Variants in C12orf54 observed in about 807,000 individuals in gnomAD.
The protein encoded by C12orf54 is chromosome 12 open reading frame 54, also known as uncharacterized protein C12orf54.
C12orf54 carries 24 observed loss-of-function variants against 26.4 expected under a neutral mutation model. The observed-to-expected ratio is 0.91, with a 90% CI of 0.66 to 1.28. C12orf54 has a LOEUF of 1.28. C12orf54 is among the 50% of genes most tolerant of loss of function. C12orf54 has a pLI of 0.00. For synonymous variants in C12orf54, 54 were observed against 47.0 expected, an observed-to-expected ratio of 1.15 and a Z score of -0.61; for missense variants, 154 against 150.9, an observed-to-expected ratio of 1.02 and a Z score of -0.11.
the C12orf54 span, among the ~76,000 whole-genome samples, chr12:48,444,086 T>C: frequency 6.6e-6 from 1 of 152,248 alleles, no homozygotes; most frequent in Admixed American, 6.5e-5. Context: ...AGTTGGGAGT[T>C]TGAAAATTCC....
At chr12:48,465,431 G>A in the C12orf54 span, among the ~76,000 whole-genome samples, 1 of 152,150 alleles carries the variant, frequency 6.6e-6, no homozygotes, top group East Asian at 1.9e-4. Flanking sequence ...TGGCAAGGTT[G>A]TGGAGAAAAA....
At chr12:48,421,144 T>C in the C12orf54 span, among the ~76,000 whole-genome samples, 1 of 152,164 alleles carries the variant, frequency 6.6e-6, no homozygotes, top group African/African-American at 2.4e-5. Flanking sequence ...TGAGCTTGGG[T>C]AATTTATATT....
the C12orf54 span, among the ~76,000 whole-genome samples, chr12:48,454,346 A>G: frequency 1.3e-5 from 2 of 151,966 alleles, no homozygotes; most frequent in African/African-American, 4.8e-5. Context: ...TGATCTGCCC[A>G]CCTCGGCCTC....
chr12:48,464,521 A>G, the C12orf54 span, among the ~76,000 whole-genome samples: 1 of 152,192 alleles, frequency 6.6e-6, no homozygotes, highest in Admixed American at 6.5e-5. Context: ...ATTCATTGCT[A>G]TTCCTATTAA....
chr12:48,480,595 T>C (rs1954188743), upstream of C12orf54, among the ~76,000 whole-genome samples: 1 of 152,208 alleles, frequency 6.6e-6, no homozygotes, highest in Non-Finnish European at 1.5e-5. Context: ...TGCTGGCTTA[T>C]ACACTGCTGG....
chr12:48,483,429 C>A, intron 2 of C12orf54, 68 bp downstream of exon 2: 1 of 1,471,564 alleles, frequency 6.8e-7, no homozygotes, highest in Non-Finnish European at 9.4e-7. Context: ...AGAACCAGGG[C>A]CTCCTGTCTT....
At chr12:48,488,256 C>A (rs906762298) in intron 4 of C12orf54, 2 of 632,034 alleles carry the variant, frequency 3.2e-6, no homozygotes, top group South Asian at 1.6e-5. Context: ...TGGCAGGCCT[C>A]GGCCTAAAGG....
At chr12:48,444,583 T>A in the C12orf54 span, among the ~76,000 whole-genome samples, 1 of 152,372 alleles carries the variant, frequency 6.6e-6, no homozygotes, top group Non-Finnish European at 1.5e-5. Context: ...AAATACTGCG[T>A]TAGCATTATT....
chr12:48,493,584 T>A (rs1937839229), intron 7 of C12orf54, among the ~76,000 whole-genome samples: 1 of 140,424 alleles, frequency 7.1e-6, no homozygotes, highest in African/African-American at 2.7e-5. Flanking sequence ...TCATGCCACT[T>A]CCCTCCATCC....
At chr12:48,432,293 A>G in the C12orf54 span, among the ~76,000 whole-genome samples, 33 of 152,344 alleles carry the variant, frequency 2.2e-4, no homozygotes, top group African/African-American at 7.7e-4. Flanking sequence ...TGAACAAAAG[A>G]GAAACAACCG....
chr12:48,418,663 T>G, the C12orf54 span, among the ~76,000 whole-genome samples: 5 of 152,142 alleles, frequency 3.3e-5, no homozygotes, highest in African/African-American at 9.7e-5. Flanking sequence ...TGTGTTAGAA[T>G]AAAGTGGTTG....
the C12orf54 span, among the ~76,000 whole-genome samples, chr12:48,461,194 T>C: frequency 6.6e-6 from 1 of 151,886 alleles, no homozygotes; most frequent in Non-Finnish European, 1.5e-5. Context: ...CTCATAATGA[T>C]AAAAGGGTCA....
At chr12:48,417,561 C>T in the C12orf54 span, among the ~76,000 whole-genome samples, 2 of 152,072 alleles carry the variant, frequency 1.3e-5, no homozygotes, top group African/African-American at 4.8e-5. Flanking sequence ...GCCATTAGGT[C>T]TTTCAAAAAA....
chr12:48,443,759 G>A, the C12orf54 span, among the ~76,000 whole-genome samples: 16 of 152,170 alleles, frequency 1.1e-4, no homozygotes, highest in South Asian at 2.1e-4. Flanking sequence ...CTACTCTGCA[G>A]TGACAGCCCA....
At chr12:48,421,180 C>G in the C12orf54 span, among the ~76,000 whole-genome samples, 1 of 152,168 alleles carries the variant, frequency 6.6e-6, no homozygotes, top group African/African-American at 2.4e-5. Flanking sequence ...AATTGGCTCA[C>G]AGTTCTGCAG....
chr12:48,429,484 A>T, the C12orf54 span, among the ~76,000 whole-genome samples: 1 of 152,118 alleles, frequency 6.6e-6, no homozygotes, highest in South Asian at 2.1e-4. Context: ...CAGATACAAG[A>T]TAAATGCACA....
the C12orf54 span, among the ~76,000 whole-genome samples, chr12:48,422,213 G>A: frequency 1.3e-5 from 2 of 152,124 alleles, no homozygotes; most frequent in African/African-American, 4.8e-5. Flanking sequence ...AAAAAATACT[G>A]ATAACAGCAT....
At chr12:48,449,162 T>C in the C12orf54 span, among the ~76,000 whole-genome samples, 1 of 152,132 alleles carries the variant, frequency 6.6e-6, no homozygotes, top group South Asian at 2.1e-4. Flanking sequence ...TTAGAGACAA[T>C]AGATGACAAC....
At chr12:48,474,255 A>C in the C12orf54 span, among the ~76,000 whole-genome samples, 4 of 152,206 alleles carry the variant, frequency 2.6e-5, no homozygotes, top group Admixed American at 2.6e-4. Flanking sequence ...TTATGGAGCC[A>C]GGTGGAGGAG....
Sources: gnomAD v4.1 joint callset for allele counts (sites outside exome capture counted in the v4.1 genomes callset) on GRCh38, gnomAD v4.1.1 for gene constraint, MANE v1.5 for transcripts, NCBI Gene and HGNC (gene_info 2026-07-23, HGNC 2026-07-21) for gene names.